The following DOCK8 variants were observed in gnomAD, a reference collection of about 807,000 sequenced individuals.
DOCK8 encodes the protein dedicator of cytokinesis protein 8.
A neutral mutation model predicts 245.6 loss-of-function variants in DOCK8; 141 were observed. The ratio of observed to expected loss-of-function variants is 0.57; its 90% CI spans 0.50 to 0.66. The LOEUF (loss-of-function observed/expected upper bound fraction) is 0.66, where lower values mean the gene tolerates loss of function less well. Among genes scored for constraint, DOCK8 ranks in the 30% least tolerant of loss-of-function variants. The pLI, the probability that DOCK8 is intolerant of heterozygous loss-of-function variation, is 0.00. For missense variants in DOCK8, 2,965 were observed against 2,603.4 expected (o/e 1.14, Z -3.02); for synonymous variants, 1,168 against 970.2 (o/e 1.20, Z -3.79).
intron 1 of DOCK8, among the ~76,000 whole-genome samples, chr9:251,773 A>G (rs1010318021): frequency 4.6e-5 from 7 of 152,078 alleles, no homozygotes; most frequent in African/African-American, 1.4e-4. Context: ...GACAGAAAGC[A>G]CTCATTAAGT....
At chr9:272,800 C>T (rs995715504) in intron 2 of DOCK8, 1 of 152,406 alleles carries the variant, frequency 6.6e-6, no homozygotes, top group Non-Finnish European at 1.5e-5. Context: ...CACTAAATGC[C>T]AGATGTGTGC....
At chr9:236,676 C>CAAACAAT (rs956061320) in intron 1 of DOCK8, among the ~76,000 whole-genome samples, 23 of 152,304 alleles carry the variant, frequency 1.5e-4, no homozygotes, top group African/African-American at 4.8e-4. Flanking sequence ...GCTGTGAGAA[C>CAAACAAT]AAACAATCTC....
At chr9:323,455 T>C (rs2130790148) in intron 7 of DOCK8, among the ~76,000 whole-genome samples, 1 of 152,128 alleles carries the variant, frequency 6.6e-6, no homozygotes, top group Middle Eastern at 3.4e-3. Context: ...ACTCCTGACC[T>C]CATGATCCGC....
At chr9:230,139 G>A (rs1262724447) in intron 1 of DOCK8, among the ~76,000 whole-genome samples, 1 of 145,352 alleles carries the variant, frequency 6.9e-6, no homozygotes, top group Non-Finnish European at 1.5e-5. Flanking sequence ...CCACCTATGA[G>A]TGAGAACATG....
intron 4 of DOCK8, among the ~76,000 whole-genome samples, chr9:301,460 A>G (rs888217923): frequency 2.0e-5 from 3 of 152,206 alleles, no homozygotes. Flanking sequence ...TACTCTCACC[A>G]CTTATATCAA....
In DOCK8 at chr9:332,409, C is replaced by A; in HGVS notation, c.1056C>A (p.Val352=). 6.2e-7 allele frequency: 1 copy of A among 1,611,682 alleles called. No homozygotes were observed. Among genetic ancestry groups the A allele is most frequent in the Non-Finnish European group, 8.5e-7 (1 of 1,178,022 alleles). Residue 352 remains valine, a synonymous_variant, in exon 10 of 48, where the codon GTC becomes GTA. Coordinates refer to ENST00000432829, the MANE Select transcript of DOCK8 (RefSeq NM_203447.4). The part of the protein sequence containing the change: ...DIYLVVKIEK[V]LQQGEIGDCA... ...CTTTTTATTGGTAGATTGAAAAAGT[C>A]CTGCAGCAGGGAGAGATTGGAGACT...
chr9:285,679 G>T (rs1586598342), intron 2 of DOCK8, among the ~76,000 whole-genome samples: 1 of 152,084 alleles, frequency 6.6e-6, no homozygotes, highest in Non-Finnish European at 1.5e-5. Flanking sequence ...TCAATTATAA[G>T]AATTGTTTTT....
chr9:416,098 A>G (rs1203104479), intron 29 of DOCK8, among the ~76,000 whole-genome samples: 1 of 152,184 alleles, frequency 6.6e-6, no homozygotes, highest in African/African-American at 2.4e-5. Flanking sequence ...TCAGAAGAGA[A>G]AGGTTGAGAC....
intron 46 of DOCK8, chr9:456,227 C>A (rs1306290582): frequency 6.6e-6 from 1 of 152,212 alleles, no homozygotes; most frequent in Non-Finnish European, 1.5e-5. Context: ...AGATGAGGTT[C>A]CTCTGTTGCT....
intron 1 of DOCK8, among the ~76,000 whole-genome samples, chr9:217,311 A>G (rs1012829008): frequency 2.0e-4 from 31 of 152,190 alleles, no homozygotes; most frequent in Non-Finnish European, 3.2e-4. Flanking sequence ...TAGGAAGGAA[A>G]GCTGAAGTTG....
In DOCK8 at chr9:369,797, T is replaced by C. The variant is rs1189952570; in HGVS notation, c.1798-433T>C. The stretch of plus-strand genomic sequence containing the variant: ...ACTGGTGTGCTTGGGCCAGTTGTAG[T>C]CCCAGCACTTTTTTTTTTCTTTTTG... On this transcript the variant is annotated intron_variant, in intron 15 of 47. Coordinates refer to ENST00000432829, the MANE Select transcript of DOCK8 (RefSeq NM_203447.4). 4 of 245,668 alleles carry C rather than the reference T, an allele frequency of 1.6e-5. 1 individual carries two copies. Among genetic ancestry groups the C allele is most frequent in the Non-Finnish European group, 3.2e-5 (4 of 124,822 alleles). The allele number at this position is 245,668 out of a possible 1,614,324, so 15.2% of individuals were successfully genotyped here. A position where few individuals can be genotyped will look rare whatever the true frequency, so the allele number is the denominator to read the frequency against.
chr9:401,321 C>T (rs2055089708), intron 26 of DOCK8, among the ~76,000 whole-genome samples: 1 of 152,150 alleles, frequency 6.6e-6, no homozygotes, highest in Admixed American at 6.5e-5. Context: ...GCGGAAGCCC[C>T]TCCCAGCATG....
rs773666791 is a variant in DOCK8 at position 340,159 on chromosome 9, G to A, written c.1517G>A (p.Gly506Asp). ...SLQRRVKSIP[G>D]LLRLEISTAP... The stretch of plus-strand genomic sequence containing the variant: ...GAACATTCCTATTTTCTCTCTTTAG[G>A]CTTGCTAAGACTGGAGATTTCTACA... Residue 506 changes from glycine to aspartate, a missense_variant and splice_region_variant, in exon 14 of 48, where the codon GGC becomes GAC. Gly to Asp is a moderately conservative substitution (Grantham distance 94). Around this residue, in one of 3 missense-constraint regions of DOCK8, gnomAD observed 2,825 missense variants for 2,453.5 expected, o/e 1.15. Coordinates refer to ENST00000432829, the MANE Select transcript of DOCK8 (RefSeq NM_203447.4). The A allele has an allele frequency of 6.2e-7, 1 of 1,613,792 alleles. No homozygotes were observed. Among genetic ancestry groups the A allele is most frequent in the Non-Finnish European group, 8.5e-7 (1 of 1,179,904 alleles).
intron 29 of DOCK8, 33 bp from the exon 30 acceptor site, chr9:418,035 G>A (rs1564039855): frequency 6.2e-7 from 1 of 1,613,860 alleles, no homozygotes. Context: ...TGTCATGTTT[G>A]ACTTGACATC....
At chr9:241,046 A>G (rs2047363632) in intron 1 of DOCK8, among the ~76,000 whole-genome samples, 1 of 151,598 alleles carries the variant, frequency 6.6e-6, no homozygotes, top group Non-Finnish European at 1.5e-5. Flanking sequence ...ATAAATCATT[A>G]AATACTCCCT....
At chr9:253,018 C>G (rs2047686757) in intron 1 of DOCK8, among the ~76,000 whole-genome samples, 1 of 152,096 alleles carries the variant, frequency 6.6e-6, no homozygotes, top group Non-Finnish European at 1.5e-5. Context: ...TTTTCGGAAA[C>G]TAGCCTTGAA....
intron 33 of DOCK8, among the ~76,000 whole-genome samples, chr9:426,612 C>A (rs1587001463): frequency 6.6e-6 from 1 of 152,194 alleles, no homozygotes; most frequent in Non-Finnish European, 1.5e-5. Context: ...ATAACTGCTT[C>A]TCTACCCATA....
In DOCK8 at chr9:396,773, C is replaced by T. The variant is rs184058115; in HGVS notation, c.2971-12C>T. ...ATCTCCATGTTGACATTTCCTCCAT[C>T]CCCCTCCGCAGGTGAAAAGCATGGC... is the stretch of plus-strand genomic sequence containing the variant. On this transcript the variant is annotated splice_polypyrimidine_tract_variant and intron_variant, in intron 24 of 47. Transcript: ENST00000432829. The T allele has an allele frequency of 2.5e-5, 41 of 1,614,096 alleles. No individual in the cohort carries two copies. The highest frequency in any genetic ancestry group is 3.3e-5 in the Non-Finnish European group (39 of 1,179,976).
In DOCK8 at chr9:434,991, C is replaced by G; in HGVS notation, c.5079+16C>G. 1 of 1,611,450 alleles carries G rather than the reference C, an allele frequency of 6.2e-7. No individual in the cohort carries two copies. Reference sequence around the variant, plus strand: ...CAGCTTCCAGGTAGGGTGTGTGCAGCTTTTCCCTTAGAGCAGTGGTTCTCA... The same window carrying G: ...CAGCTTCCAGGTAGGGTGTGTGCAGGTTTTCCCTTAGAGCAGTGGTTCTCA... On this transcript the variant is annotated intron_variant, in intron 39 of 47. Coordinates refer to ENST00000432829, the MANE Select transcript of DOCK8 (RefSeq NM_203447.4).
Sources: gnomAD v4.1 joint callset for allele counts (sites outside exome capture counted in the v4.1 genomes callset) on GRCh38, gnomAD v4.1.1 for gene constraint, gnomAD v4.1.1 regional missense constraint, MANE v1.5 for transcripts, NCBI Gene and HGNC (gene_info 2026-07-23, HGNC 2026-07-21) for gene names.